Variants in CAPN5 observed in about 807,000 individuals in gnomAD.
CAPN5 encodes calpain 5, also known as calpain-5.
CAPN5 carries 54 observed loss-of-function variants against 73.0 expected under a neutral mutation model. The ratio of observed to expected loss-of-function variants is 0.74; its 90% CI spans 0.59 to 0.93. The LOEUF (loss-of-function observed/expected upper bound fraction) is 0.93, where lower values mean the gene tolerates loss of function less well. Among genes scored for constraint, CAPN5 ranks in the 40% least tolerant of loss-of-function variants. The pLI is 0.00. For synonymous variants in CAPN5, 335 were observed against 356.9 expected, an observed-to-expected ratio of 0.94 and a Z score of 0.69; for missense variants, 785 against 882.9, an observed-to-expected ratio of 0.89 and a Z score of 1.41.
intron 5 of CAPN5, 149 bp downstream of exon 5, chr11:77,114,583 A>G: frequency 1.4e-6 from 1 of 740,196 alleles, no homozygotes; most frequent in Admixed American, 2.1e-5. Context: ...GGAAGGTGCA[A>G]CCCCCTGCCC....
At chr11:77,083,377 G>T (rs1410037733) in intron 1 of CAPN5, among the ~76,000 whole-genome samples, 3 of 152,182 alleles carry the variant, frequency 2.0e-5, no homozygotes, top group Non-Finnish European at 4.4e-5. Flanking sequence ...GCCCCAGTGA[G>T]GCTCCAGCTC....
At position 77,109,500 on chromosome 11, in the gene CAPN5, T is replaced by C. The variant is rs1251984856; in HGVS notation, c.298-3089T>C. Among the ~76,000 whole-genome samples, 5 of 152,370 alleles carry C rather than the reference T, an allele frequency of 3.3e-5. No homozygotes were observed. In the East Asian group the frequency reaches 9.6e-4, roughly 29 times the overall value. On this transcript the variant is annotated intron_variant, in intron 3 of 12. Coordinates refer to ENST00000648180, the MANE Select transcript of CAPN5 (RefSeq NM_004055.5). The stretch of plus-strand genomic sequence containing the variant: ...GATGTGTTTTAATCCATTGCTGTTT[T>C]TGCCCTTATTGATGCTCAAATTAGC...
At position 77,125,381 on chromosome 11, in the gene CAPN5, A is replaced by T. The variant is rs1351453593; in HGVS notation, c.*1511A>T. 3.9e-5 allele frequency: 6 copies of T among 152,556 alleles called. No individual in the cohort carries two copies. Among genetic ancestry groups the T allele is most frequent in the African/African-American group, 1.4e-4 (6 of 41,428 alleles). The allele number at this position is 152,556 out of a possible 1,614,324, so 9.5% of individuals were successfully genotyped here. A position where few individuals can be genotyped will look rare whatever the true frequency, so the allele number is the denominator to read the frequency against. Reference sequence around the variant, plus strand: ...CATATGAGGGGCCAGGAAATGAACGACAAGGAGGATAAGAGTGTTCTTTCT... The same window carrying T: ...CATATGAGGGGCCAGGAAATGAACGTCAAGGAGGATAAGAGTGTTCTTTCT... On this transcript the variant is annotated 3_prime_UTR_variant, in exon 13 of 13. Transcript: ENST00000648180.
chr11:77,102,437 C>T (rs1555039025), intron 3 of CAPN5, among the ~76,000 whole-genome samples: 8 of 152,228 alleles, frequency 5.3e-5, no homozygotes. Context: ...TGTGTACCTC[C>T]AGTGAGGAGT....
In CAPN5 at chr11:77,123,740, A is replaced by T; in HGVS notation, c.1793A>T (p.Lys598Met). Residue 598 changes from lysine (K) to methionine (M), a missense_variant, in exon 13 of 13, where the codon AAG becomes ATG. Coordinates refer to ENST00000648180, the MANE Select transcript of CAPN5 (RefSeq NM_004055.5). The part of the protein sequence containing the change: ...KDEFLGQVHL[K>M]ADPDNLQALH... ...GAATTTCTGGGCCAGGTGCACCTAA[A>T]GGCTGACCCGGACAACCTCCAGGCC... 1 of 1,613,748 alleles carries T rather than the reference A, an allele frequency of 6.2e-7. No homozygotes were observed. Among genetic ancestry groups the T allele is most frequent in the Non-Finnish European group, 8.5e-7 (1 of 1,179,926 alleles).
Position 77,116,290 on chromosome 11 carries a change from G to T in CAPN5, c.958G>T (p.Asp320Tyr). Residue 320 changes from aspartate to tyrosine, a missense_variant, in exon 7 of 13, where the codon GAC becomes TAC. By Grantham distance (160) the Asp-to-Tyr change is radical. Coordinates refer to ENST00000648180, the MANE Select transcript of CAPN5 (RefSeq NM_004055.5). ...GAAGATGGGTGTGACCGTGCAGGACGACGGTGAGTTCTGGTGAGTGTGTAT... is the reference window on the plus strand; with the variant it reads ...GAAGATGGGTGTGACCGTGCAGGACTACGGTGAGTTCTGGTGAGTGTGTAT... Reference protein sequence around the residue: ...REKMGVTVQDDGEFWMTFEDV... With the variant: ...REKMGVTVQDYGEFWMTFEDV... 6.2e-7 allele frequency: 1 copy of T among 1,613,354 alleles called. No homozygotes were observed. Among genetic ancestry groups the T allele is most frequent in the South Asian group, 1.1e-5 (1 of 90,820 alleles).
At chr11:77,095,290 C>G (rs1396655683) in intron 3 of CAPN5, among the ~76,000 whole-genome samples, 1 of 152,140 alleles carries the variant, frequency 6.6e-6, no homozygotes, top group Non-Finnish European at 1.5e-5. Flanking sequence ...GGCTCCCACC[C>G]CCTTCTCTGA....
intron 3 of CAPN5, among the ~76,000 whole-genome samples, chr11:77,112,039 A>G (rs963900056): frequency 6.6e-5 from 10 of 152,090 alleles, no homozygotes; most frequent in Non-Finnish European, 1.2e-4. Flanking sequence ...GGGTTGGTCT[A>G]TGTGGGGCGA....
intron 3 of CAPN5, among the ~76,000 whole-genome samples, chr11:77,098,199 C>CA (rs1950234668): frequency 1.4e-5 from 1 of 73,658 alleles, no homozygotes; most frequent in African/African-American, 8.1e-5. Flanking sequence ...CCTCACCTCC[C>CA]GGACGGGGCG....
chr11:77,119,201 G>T, intron 9 of CAPN5, 49 bp downstream of exon 9: 1 of 1,568,456 alleles, frequency 6.4e-7, no homozygotes. Flanking sequence ...GGAGGGAGCT[G>T]GAGTTTGGAC....
intron 1 of CAPN5, among the ~76,000 whole-genome samples, chr11:77,079,149 C>CTTA (rs57426663): frequency 0.15 from 22,999 of 150,320 alleles, 3,258 homozygotes; most frequent in African/African-American, 0.38. Context: ...AATTATTTGC[C>CTTA]TTATTATTAT....
In CAPN5 at chr11:77,121,792, TG is replaced by T. The variant is rs541758152; in HGVS notation, c.1488-138del. On this transcript the variant is annotated intron_variant, in intron 10 of 12. Coordinates refer to ENST00000648180, the MANE Select transcript of CAPN5 (RefSeq NM_004055.5). ...AGGGCTTGGAGCTGGGGACTGCCCA[TG>T]GGGATTTGCTCAGGACTAAATGAAA... is the stretch of plus-strand genomic sequence containing the variant. 1.4e-4 allele frequency: 77 copies of T among 550,006 alleles called. No individual in the cohort carries two copies. In the African/African-American group the frequency reaches 1.4e-3, roughly 10 times the overall value. 34.1% of individuals were successfully genotyped at this position (550,006 alleles called of 1,614,324 possible). A position where few individuals can be genotyped will look rare whatever the true frequency, so the allele number is the denominator to read the frequency against.
intron 3 of CAPN5, among the ~76,000 whole-genome samples, chr11:77,102,006 C>A (rs1950290083): frequency 6.6e-6 from 1 of 152,190 alleles, no homozygotes; most frequent in South Asian, 2.1e-4. Context: ...TCATCCGGGT[C>A]AGTAATGCTC....
chr11:77,091,364 C>T (rs1271794839), intron 2 of CAPN5, among the ~76,000 whole-genome samples: 1 of 152,186 alleles, frequency 6.6e-6, no homozygotes, highest in African/African-American at 2.4e-5. Flanking sequence ...ACCGCAGAAG[C>T]TCTTGGGATG....
intron 3 of CAPN5, chr11:77,102,995 G>A (rs1555039171): frequency 4.3e-6 from 7 of 1,613,514 alleles, no homozygotes; most frequent in Non-Finnish European, 5.9e-6. Flanking sequence ...CGGAGTCTGT[G>A]TACCGCCTCA....
intron 1 of CAPN5, chr11:77,071,647 C>T (rs1555033091): frequency 2.2e-6 from 1 of 454,316 alleles, no homozygotes; most frequent in South Asian, 1.6e-5. Context: ...AACTGCTTTG[C>T]ACCTCGCTGG....
chr11:77,103,129 G>A (rs375214001), intron 3 of CAPN5: 41 of 1,613,678 alleles, frequency 2.5e-5, no homozygotes, highest in African/African-American at 1.6e-4. Context: ...CTCATGACAC[G>A]CCAGCTGCTG....
intron 3 of CAPN5, 30 bp from the exon 4 acceptor site, chr11:77,112,559 C>T (rs1555040907): frequency 2.6e-6 from 4 of 1,568,168 alleles, no homozygotes; most frequent in East Asian, 2.2e-5. Flanking sequence ...CACTGTGTTC[C>T]CCCATCCTAT....
intron 3 of CAPN5, among the ~76,000 whole-genome samples, chr11:77,111,156 G>A (rs1178730952): frequency 2.6e-5 from 4 of 151,978 alleles, no homozygotes; most frequent in Non-Finnish European, 5.9e-5. Flanking sequence ...GTATAGCCCC[G>A]CCTGCACCCT....
Sources: gnomAD v4.1 joint callset for allele counts (sites outside exome capture counted in the v4.1 genomes callset) on GRCh38, gnomAD v4.1.1 for gene constraint, MANE v1.5 for transcripts, NCBI Gene and HGNC (gene_info 2026-07-23, HGNC 2026-07-21) for gene names.